NRXN2: variants seen among roughly 807,000 people sequenced by gnomAD.
NRXN2 encodes neurexin 2.
A neutral mutation model predicts 128.8 loss-of-function variants in NRXN2; 29 were observed. The observed-to-expected ratio is 0.23, with a 90% CI of 0.17 to 0.31. The LOEUF is 0.31. Ranked by LOEUF, NRXN2 falls within the 10% of genes least tolerant of loss-of-function variation. NRXN2 has a pLI of 1.00. For synonymous variants in NRXN2, 1,098 were observed against 1,075.2 expected (o/e 1.02, Z -0.41); for missense variants, 1,881 against 2,452.6 (o/e 0.77, Z 4.92).
chr11:64,684,027 T>C (rs1161451281), intron 6 of NRXN2, among the ~76,000 whole-genome samples: 2 of 152,208 alleles, frequency 1.3e-5, no homozygotes, highest in Non-Finnish European at 2.9e-5. Context: ...TATTCACTTT[T>C]AACAGACTCA....
chr11:64,700,962 G>A (rs982701795), intron 2 of NRXN2, among the ~76,000 whole-genome samples: 4 of 152,098 alleles, frequency 2.6e-5, no homozygotes, highest in East Asian at 1.9e-4. Context: ...GCCAATCACC[G>A]GGTCCTACTG....
chr11:64,715,436 AG>A (rs1397403509), intron 1 of NRXN2, among the ~76,000 whole-genome samples: 40 of 152,162 alleles, frequency 2.6e-4, no homozygotes, highest in African/African-American at 9.2e-4. Context: ...AGATAAGGAG[AG>A]GGCTGACTTC....
At position 64,668,735 on chromosome 11, in the gene NRXN2, G is replaced by T. The variant is rs535769826; in HGVS notation, c.1198-131C>A. On this transcript the variant is annotated intron_variant, in intron 7 of 22. Coordinates refer to ENST00000265459, the MANE Select transcript of NRXN2 (RefSeq NM_015080.4). ...GGGACCCCCATTTTTATGTCTGCTT[G>T]TCTTGGAGGAGGAACAGTGGGGGAA... 6.5e-6 allele frequency: 6 copies of T among 918,088 alleles called. No homozygotes were observed. The African/African-American group carries it at 8.1e-5, about 12-fold the overall frequency. 56.9% of individuals were successfully genotyped at this position (918,088 alleles called of 1,614,324 possible).
intron 17 of NRXN2, among the ~76,000 whole-genome samples, chr11:64,647,943 C>T (rs2046944597): frequency 6.6e-6 from 1 of 152,222 alleles, no homozygotes; most frequent in South Asian, 2.1e-4. Flanking sequence ...GTGAAGGGAG[C>T]AGGGTCCCAC....
intron 4 of NRXN2, among the ~76,000 whole-genome samples, 181 bp from the exon 5 acceptor site, chr11:64,690,657 C>T (rs1019923795): frequency 2.0e-5 from 3 of 152,092 alleles, no homozygotes; most frequent in Non-Finnish European, 2.9e-5. Flanking sequence ...CTTGACAAAC[C>T]GAGGGCGATC....
Position 64,713,494 on chromosome 11 carries a change from A to C in NRXN2, c.206T>G (p.Leu69Arg), listed in dbSNP as rs566365476. 6.5e-7 allele frequency: 1 copy of C among 1,527,598 alleles called. No homozygotes were observed. The highest frequency in any genetic ancestry group is 1.4e-5 in the African/African-American group (1 of 70,570). The allele number at this position is 1,527,598 out of a possible 1,614,324, so 94.6% of individuals were successfully genotyped here. A position where few individuals can be genotyped will look rare whatever the true frequency, so the allele number is the denominator to read the frequency against. Reference protein sequence around the residue: ...TNATRALLLYLDDGGDCDFLE... With the variant: ...TNATRALLLYRDDGGDCDFLE... Reference sequence around the variant, plus strand: ...GAAGTCGCAGTCGCCGCCGTCGTCCAGGTAGAGCAGCAGCGCGCGCGTGGC... The same window carrying C: ...GAAGTCGCAGTCGCCGCCGTCGTCCCGGTAGAGCAGCAGCGCGCGCGTGGC... Residue 69 changes from leucine to arginine, a missense_variant, in exon 2 of 23, where the codon CTG becomes CGG. Physicochemically the swap from Leu to Arg is moderately radical, Grantham distance 102. Coordinates refer to ENST00000265459, the MANE Select transcript of NRXN2 (RefSeq NM_015080.4).
Position 64,623,238 on chromosome 11 carries a change from C to G in NRXN2, c.3848-160G>C. 7.9e-7 allele frequency: 1 copy of G among 1,267,716 alleles called. No homozygotes were observed. The highest frequency in any genetic ancestry group is 1.1e-6 in the Non-Finnish European group (1 of 943,856). 78.5% of individuals were successfully genotyped at this position (1,267,716 alleles called of 1,614,324 possible). A position where few individuals can be genotyped will look rare whatever the true frequency, so the allele number is the denominator to read the frequency against. On this transcript the variant is annotated intron_variant, in intron 20 of 22. Coordinates refer to ENST00000265459, the MANE Select transcript of NRXN2 (RefSeq NM_015080.4). The surrounding 1 kb of genome is among the most constrained non-coding windows in gnomAD (Gnocchi z 4.9). ...GGAGAAATGAGGAAGGGGCAGAAAG[C>G]CAAAGGGAAAGTCCTTGTCAGCCAC...
chr11:64,650,131 G>T (rs965381240), intron 15 of NRXN2, among the ~76,000 whole-genome samples: 1 of 152,036 alleles, frequency 6.6e-6, no homozygotes, highest in Non-Finnish European at 1.5e-5. Flanking sequence ...AACCAACATA[G>T]GCTTCTCAAC....
At position 64,656,863 on chromosome 11, in the gene NRXN2, G is replaced by A. The variant is rs1231916707; in HGVS notation, c.2390-3141C>T. ...GCTGGGAAGCTGCAGCAGGAGGCAC[G>A]ATAAGTTCCTTAGGATCCTCTGCCT... is the stretch of plus-strand genomic sequence containing the variant. On this transcript the variant is annotated intron_variant, in intron 11 of 22. Transcript: ENST00000265459. 4.6e-5 allele frequency among the ~76,000 whole-genome samples: 7 copies of A among 152,180 alleles called. No individual in the cohort carries two copies. The East Asian group carries it at 7.7e-4, about 17-fold the overall frequency.
chr11:64,655,485 C>A (rs1056757284), intron 11 of NRXN2, among the ~76,000 whole-genome samples: 1 of 151,742 alleles, frequency 6.6e-6, no homozygotes, highest in Non-Finnish European at 1.5e-5. Context: ...GGTGCCAGGC[C>A]CTGGAGTCAG....
chr11:64,703,842 A>T (rs1382999785), intron 2 of NRXN2, among the ~76,000 whole-genome samples: 1 of 152,166 alleles, frequency 6.6e-6, no homozygotes, highest in East Asian at 1.9e-4. Context: ...GGATTTTCGT[A>T]TATTAATTCA....
chr11:64,670,373 T>C (rs763684388), intron 7 of NRXN2, among the ~76,000 whole-genome samples: 4 of 152,042 alleles, frequency 2.6e-5, no homozygotes, highest in Non-Finnish European at 5.9e-5. Flanking sequence ...GGTCAAAGTA[T>C]TAGTCACAAA....
At chr11:64,638,027 C>G (rs910403336) in intron 17 of NRXN2, among the ~76,000 whole-genome samples, 1 of 152,150 alleles carries the variant, frequency 6.6e-6, no homozygotes, top group Non-Finnish European at 1.5e-5. Flanking sequence ...GAGAGGCAGA[C>G]CCCCGACAGG....
chr11:64,692,886 G>A lies in NRXN2; in HGVS notation c.749-10C>T. ...GTCAGGTGAGCCGGACCTTGGAAAG[G>A]GGAAGGAGAGAAAGAAAGAAAGAAA... On this transcript the variant is annotated splice_polypyrimidine_tract_variant and intron_variant, in intron 3 of 22. Coordinates refer to ENST00000265459, the MANE Select transcript of NRXN2 (RefSeq NM_015080.4). The A allele has an allele frequency of 1.2e-6, 2 of 1,609,054 alleles. No homozygotes were observed. The highest frequency in any genetic ancestry group is 1.7e-6 in the Non-Finnish European group (2 of 1,176,084).
chr11:64,704,504 A>T (rs2055938959), intron 2 of NRXN2, among the ~76,000 whole-genome samples: 1 of 152,084 alleles, frequency 6.6e-6, no homozygotes, highest in Admixed American at 6.6e-5. Flanking sequence ...TCATTTTCTC[A>T]TAGGACCTCT....
At chr11:64,712,576 C>G (rs554320594) in intron 2 of NRXN2, 1 of 380,966 alleles carries the variant, frequency 2.6e-6, no homozygotes, top group Admixed American at 3.2e-5. Context: ...TGGTCCCCGC[C>G]CACTGCCTTT....
At chr11:64,709,136 G>A (rs935500843) in intron 2 of NRXN2, among the ~76,000 whole-genome samples, 8 of 149,276 alleles carry the variant, frequency 5.4e-5, no homozygotes, top group Non-Finnish European at 8.9e-5. Flanking sequence ...AGATTGCAGT[G>A]AGCTGAGATC....
intron 2 of NRXN2, 92 bp downstream of exon 2, chr11:64,712,878 C>T: frequency 5.9e-6 from 7 of 1,177,774 alleles, no homozygotes; most frequent in Non-Finnish European, 8.3e-6. Context: ...GCCCCCGTGC[C>T]TCAGGAGCCC....
chr11:64,663,161 G>A (rs1396273917), intron 9 of NRXN2, among the ~76,000 whole-genome samples: 2 of 152,066 alleles, frequency 1.3e-5, no homozygotes, highest in Non-Finnish European at 2.9e-5. Context: ...CCTGAGGTCA[G>A]GAGTTTGAGA....
Sources: allele counts gnomAD v4.1 joint callset (sites outside exome capture counted in the v4.1 genomes callset), GRCh38; gene constraint gnomAD v4.1.1; non-coding constraint Gnocchi (gnomAD v3.1); transcripts MANE v1.5; gene names NCBI Gene and HGNC (gene_info 2026-07-23, HGNC 2026-07-21).